Variants in ZNF570 observed in about 807,000 individuals in gnomAD.
ZNF570 encodes zinc finger protein 570.
ZNF570 carries 8 observed loss-of-function variants against 14.2 expected under a neutral mutation model. The observed-to-expected ratio is 0.56, with a 90% CI of 0.33 to 1.02. The LOEUF (loss-of-function observed/expected upper bound fraction) is 1.02. Ranked by LOEUF, ZNF570 falls within the 50% of genes least tolerant of loss-of-function variation. ZNF570 has a pLI of 0.03. For missense variants in ZNF570, 559 were observed against 624.9 expected (o/e 0.89, Z 1.12); for synonymous variants, 202 against 207.6 (o/e 0.97, Z 0.23).
Position 37,476,317 on chromosome 19 carries a change from C to G in ZNF570, c.161-22C>G, listed in dbSNP as rs571965180. ...ATATCCACAGCATGACAAAACTCTA[C>G]TTTTTTTTTTCGTATTTGCAGGACT... On this transcript the variant is annotated intron_variant, in intron 3 of 4. Coordinates refer to ENST00000330173, the MANE Select transcript of ZNF570 (RefSeq NM_144694.5). The G allele has an allele frequency of 1.6e-5, 21 of 1,339,806 alleles. No individual in the cohort carries two copies. The South Asian group carries it at 2.6e-4, about 16-fold the overall frequency. 83.0% of individuals were successfully genotyped at this position (1,339,806 alleles called of 1,614,324 possible). A position where few individuals can be genotyped will look rare whatever the true frequency, so the allele number is the denominator to read the frequency against.
chr19:37,469,959 A>T (rs1305294964), intron 1 of ZNF570, among the ~76,000 whole-genome samples: 2 of 152,194 alleles, frequency 1.3e-5, no homozygotes, highest in African/African-American at 4.8e-5. Context: ...TGTGCCACCA[A>T]GTTTCAGAAT....
In ZNF570 at chr19:37,483,901, T is replaced by C. The variant is rs2042114759; in HGVS notation, c.279T>C (p.Thr93=). The C allele has an allele frequency of 5.0e-6, 8 of 1,611,038 alleles. No homozygotes were observed. The highest frequency in any genetic ancestry group is 6.8e-6 in the Non-Finnish European group (8 of 1,178,886). ...LCSGWEPICE[T]EELTPKQDFY... ...CAGGCTGGGAGCCTATATGTGAGAC[T>C]GAAGAATTAACCCCAAAGCAGGATT... Residue 93 remains threonine (T), a synonymous_variant, in exon 5 of 5, where the codon ACT becomes ACC. Coordinates refer to ENST00000330173, the MANE Select transcript of ZNF570 (RefSeq NM_144694.5).
Position 37,485,344 on chromosome 19 carries a change from T to G in ZNF570, c.*111T>G. The G allele has an allele frequency of 2.7e-6, 3 of 1,116,076 alleles. No individual in the cohort carries two copies. The East Asian group carries it at 8.4e-5, about 31-fold the overall frequency. The allele number at this position is 1,116,076 out of a possible 1,614,324, so 69.1% of individuals were successfully genotyped here. On this transcript the variant is annotated 3_prime_UTR_variant, in exon 5 of 5. Coordinates refer to ENST00000330173, the MANE Select transcript of ZNF570 (RefSeq NM_144694.5). ...ACTAATATAGCTTTCAAACAGGTTT[T>G]CCTGTATTTATTTTTGCTACCTTTA... is the stretch of plus-strand genomic sequence containing the variant.
chr19:37,469,437 C>T lies in ZNF570; in HGVS notation c.-172C>T, dbSNP rs1344843013. The T allele has an allele frequency of 3.9e-6, 6 of 1,534,258 alleles. No individual in the cohort carries two copies. The Admixed American group carries it at 9.8e-5, about 25-fold the overall frequency. On this transcript the variant is annotated 5_prime_UTR_variant, in exon 1 of 5. Transcript: ENST00000330173. ...CCCGAGTGCAGATTCCCCGAGCCTT[C>T]GGGGCAGGAAGGAGATCTTCCACCA...
intron 4 of ZNF570, among the ~76,000 whole-genome samples, chr19:37,477,288 CGTGTGTGTGTGTGTGTGTGT>C (rs71177457): frequency 2.7e-4 from 31 of 115,430 alleles, no homozygotes; most frequent in African/African-American, 9.8e-4. Flanking sequence ...GGGAGGTTGT[CGTGTGTGTGTGTGTGTGTGT>C]GTGTGTGTGT....
At position 37,476,034 on chromosome 19, in the gene ZNF570, G is replaced by A. The variant is rs1487691249; in HGVS notation, c.160+27G>A. ...TAAGGATATCTTCTTGCAAAACTGAGCTTCTGCTCAAAAGGGGCTCTTTGC... is the reference window on the plus strand; with the variant it reads ...TAAGGATATCTTCTTGCAAAACTGAACTTCTGCTCAAAAGGGGCTCTTTGC... On this transcript the variant is annotated intron_variant, in intron 3 of 4. Coordinates refer to ENST00000330173, the MANE Select transcript of ZNF570 (RefSeq NM_144694.5). The A allele has an allele frequency of 7.0e-6, 11 of 1,579,390 alleles. No individual in the cohort carries two copies. In the Admixed American group the frequency reaches 2.1e-4, roughly 30 times the overall value.
At chr19:37,475,799 A>C in intron 2 of ZNF570, 82 bp from the exon 3 acceptor site, 2 of 1,361,902 alleles carry the variant, frequency 1.5e-6, no homozygotes, top group Non-Finnish European at 2.0e-6. Context: ...ATGTAATATC[A>C]GAGAGAGCCC....
In ZNF570 at chr19:37,484,921, A is replaced by T; in HGVS notation, c.1299A>T (p.Gln433His). The change falls in exon 5 of 5, where the codon CAA (glutamine) becomes CAT (histidine). Residue 433 changes from glutamine to histidine, a missense_variant. Transcript: ENST00000330173. ...AGATTGCCTACCTTGCTCAGCATCA[A>T]AGAGTTCATACTGGAGAGAAACCCT... ...FSQIAYLAQH[Q>H]RVHTGEKPYE... The T allele has an allele frequency of 6.2e-7, 1 of 1,612,612 alleles. No individual in the cohort carries two copies. Among genetic ancestry groups the T allele is most frequent in the Non-Finnish European group, 8.5e-7 (1 of 1,179,652 alleles).
At chr19:37,470,117 T>G (rs2041930714) in intron 1 of ZNF570, 187 bp from the exon 2 acceptor site, 1 of 536,810 alleles carries the variant, frequency 1.9e-6, no homozygotes, top group Non-Finnish European at 3.3e-6. Context: ...GTTGTTAACC[T>G]AAGGAATTGG....
chr19:37,469,336 G>A (rs1446881247), upstream of ZNF570: 26 of 1,417,372 alleles, frequency 1.8e-5, no homozygotes, highest in East Asian at 5.2e-5. Context: ...GTGTCCTCCG[G>A]GGGCGGAGGC....
chr19:37,478,613 T>A (rs1186153967), intron 4 of ZNF570, among the ~76,000 whole-genome samples: 1 of 151,470 alleles, frequency 6.6e-6, no homozygotes, highest in East Asian at 1.9e-4. Flanking sequence ...CTTGTCCACT[T>A]CCGGTCTTAA....
Position 37,484,216 on chromosome 19 carries a change from C to G in ZNF570, c.594C>G (p.Ser198Arg). ...KVHKHDTQKR[S>R]FKKNLMAIKP... Reference sequence around the variant, plus strand: ...ATAAACATGACACACAAAAGAGAAGCTTTAAAAAAAATTTAATGGCTATTA... The same window carrying G: ...ATAAACATGACACACAAAAGAGAAGGTTTAAAAAAAATTTAATGGCTATTA... The change falls in exon 5 of 5, where the codon AGC becomes AGG. Residue 198 changes from serine to arginine, a missense_variant. By Grantham distance (110) the Ser-to-Arg change is moderately radical. Transcript: ENST00000330173. 1 of 1,613,850 alleles carries G rather than the reference C, an allele frequency of 6.2e-7. No homozygotes were observed. The highest frequency in any genetic ancestry group is 8.5e-7 in the Non-Finnish European group (1 of 1,179,974).
chr19:37,480,311 C>T (rs2042072527), intron 4 of ZNF570, among the ~76,000 whole-genome samples: 2 of 151,990 alleles, frequency 1.3e-5, no homozygotes, highest in Admixed American at 1.3e-4. Flanking sequence ...TGGTGAAACC[C>T]CGTCTCTACT....
chr19:37,485,097 A>T lies in ZNF570; in HGVS notation c.1475A>T (p.His492Leu). The change falls in exon 5 of 5, where the codon CAT becomes CTT. Residue 492 changes from histidine to leucine, a missense_variant. His to Leu is a moderately conservative substitution (Grantham distance 99). Transcript: ENST00000330173. ...TCCCTTGCCCAACATCAGAGAATTC[A>T]TACTGGAGAGAGACCCTATGAATGT... is the stretch of plus-strand genomic sequence containing the variant. ...CGSLAQHQRIHTGERPYECKE... is the reference protein window; with the variant it reads ...CGSLAQHQRILTGERPYECKE... 6.2e-7 allele frequency: 1 copy of T among 1,614,102 alleles called. No individual in the cohort carries two copies. The highest frequency in any genetic ancestry group is 1.3e-5 in the African/African-American group (1 of 75,026).
upstream of ZNF570, chr19:37,469,325 T>G (rs1314616158): frequency 7.1e-7 from 1 of 1,416,244 alleles, no homozygotes; most frequent in Non-Finnish European, 9.2e-7. Context: ...GCGGCCCCTT[T>G]GTGTCCTCCG....
intron 2 of ZNF570, among the ~76,000 whole-genome samples, chr19:37,474,311 GTATT>G (rs1165441062): frequency 3.9e-5 from 6 of 152,198 alleles, no homozygotes; most frequent in Non-Finnish European, 8.8e-5. Flanking sequence ...TTTATTATAT[GTATT>G]TATATAAGCT....
intron 2 of ZNF570, among the ~76,000 whole-genome samples, chr19:37,474,059 C>T (rs942260407): frequency 6.6e-6 from 1 of 152,128 alleles, no homozygotes; most frequent in Non-Finnish European, 1.5e-5. Context: ...CAGGGGAAGT[C>T]GTTCTCTCAG....
upstream of ZNF570, among the ~76,000 whole-genome samples, chr19:37,468,381 G>T (rs965916612): frequency 6.6e-6 from 1 of 152,196 alleles, no homozygotes; most frequent in Non-Finnish European, 1.5e-5. Flanking sequence ...GAGCCGCACG[G>T]GGCCGGTCTT....
At chr19:37,479,673 T>C (rs1644491041) in intron 4 of ZNF570, among the ~76,000 whole-genome samples, 1 of 152,130 alleles carries the variant, frequency 6.6e-6, no homozygotes, top group Non-Finnish European at 1.5e-5. Flanking sequence ...ATTTTGAAGG[T>C]ATTTCATTTG....
Sources: gnomAD v4.1 joint callset for allele counts (sites outside exome capture counted in the v4.1 genomes callset) on GRCh38, gnomAD v4.1.1 for gene constraint, MANE v1.5 for transcripts, NCBI Gene and HGNC (gene_info 2026-07-23, HGNC 2026-07-21) for gene names.